MYCBP2: variants seen among roughly 807,000 people sequenced by gnomAD.
The protein encoded by MYCBP2 is MYC binding protein 2.
In MYCBP2, 120 loss-of-function variants were observed where a neutral mutation model predicts 525.3. The ratio of observed to expected loss-of-function variants is 0.23; its 90% CI spans 0.20 to 0.27. MYCBP2 has a LOEUF of 0.27. Among genes scored for constraint, MYCBP2 ranks in the 10% least tolerant of loss-of-function variants. The probability of loss-of-function intolerance (pLI) is 1.00; values close to 1 mark genes in which losing one functional copy is unlikely to be tolerated. For missense variants in MYCBP2, 4,149 were observed against 5,657.1 expected (o/e 0.73, Z 8.55); for synonymous variants, 1,894 against 1,955.8 (o/e 0.97, Z 0.83).
At chr13:77,281,712 T>C (rs1158268348) in intron 3 of MYCBP2, among the ~76,000 whole-genome samples, 1 of 152,176 alleles carries the variant, frequency 6.6e-6, no homozygotes, top group Admixed American at 6.5e-5. Flanking sequence ...AAATGATATA[T>C]AAAGAGTCTT....
At chr13:77,105,657 A>T (rs2047739327) in intron 55 of MYCBP2, among the ~76,000 whole-genome samples, 1 of 152,134 alleles carries the variant, frequency 6.6e-6, no homozygotes. Flanking sequence ...CAATTGACAG[A>T]AATAATAATG....
chr13:77,324,855 A>T (rs543817394), intron 1 of MYCBP2, among the ~76,000 whole-genome samples: 1 of 152,242 alleles, frequency 6.6e-6, no homozygotes, highest in Non-Finnish European at 1.5e-5. Flanking sequence ...CACAAAATAA[A>T]TTTAAATTCT....
Position 77,098,573 on chromosome 13 carries a change from T to C in MYCBP2, c.8581A>G (p.Lys2861Glu). The C allele has an allele frequency of 6.2e-7, 1 of 1,613,740 alleles. No homozygotes were observed. The highest frequency in any genetic ancestry group is 8.5e-7 in the Non-Finnish European group (1 of 1,179,800). Residue 2861 changes from lysine to glutamate, a missense_variant, in exon 56 of 83, where the codon AAG becomes GAG. Physicochemically the swap from Lys to Glu is moderately conservative, Grantham distance 56. Transcript: ENST00000544440. Reference protein sequence around the residue: ...PQKSTAPVKTKLDPPRERSKS... With the variant: ...PQKSTAPVKTELDPPRERSKS... ...GAACGTTCCCGAGGAGGATCAAGCT[T>C]TGTCTTAACAGGAGCAGTACTTTTT...
At chr13:77,291,019 C>T (rs1281183249) in intron 2 of MYCBP2, among the ~76,000 whole-genome samples, 2 of 152,084 alleles carry the variant, frequency 1.3e-5, no homozygotes, top group African/African-American at 4.8e-5. Context: ...AATTTAAAGA[C>T]TTAAATAAAT....
intron 53 of MYCBP2, 34 bp from the exon 54 acceptor site, chr13:77,125,502 T>A: frequency 6.2e-7 from 1 of 1,611,122 alleles, no homozygotes; most frequent in Non-Finnish European, 8.5e-7. Flanking sequence ...TTGATTGGCT[T>A]GATTCTTTCA....
intron 62 of MYCBP2, 70 bp downstream of exon 62, chr13:77,087,414 T>C: frequency 3.2e-6 from 4 of 1,266,618 alleles, no homozygotes; most frequent in South Asian, 1.3e-5. Context: ...ATGCAAATTA[T>C]TGGACTATTT....
intron 1 of MYCBP2, among the ~76,000 whole-genome samples, chr13:77,301,422 CAAAAAAAAAAAAA>C (rs11338423): frequency 4.7e-3 from 191 of 40,524 alleles, no homozygotes; most frequent in African/African-American, 0.016. Flanking sequence ...GACTCCATCT[CAAAAAAAAAAAAA>C]AAAAAAAAAA....
chr13:77,056,933 A>T, intron 79 of MYCBP2, 53 bp downstream of exon 79: 1 of 1,377,142 alleles, frequency 7.3e-7, no homozygotes, highest in Non-Finnish European at 1.0e-6. Context: ...TTGAAAGGTG[A>T]AAAGAAAGAA....
intron 68 of MYCBP2, among the ~76,000 whole-genome samples, 194 bp downstream of exon 68, chr13:77,076,556 TA>T (rs1404545539): frequency 2.0e-5 from 3 of 152,180 alleles, no homozygotes; most frequent in African/African-American, 7.2e-5. Context: ...AATTTGCTGT[TA>T]CTTAAAATAC....
At chr13:77,231,101 T>C (rs1237860151) in intron 18 of MYCBP2, among the ~76,000 whole-genome samples, 2 of 152,240 alleles carry the variant, frequency 1.3e-5, no homozygotes, top group African/African-American at 4.8e-5. Flanking sequence ...ATTTGCATTG[T>C]AAATGTATTT....
chr13:77,300,541 G>A (rs1334664152), intron 1 of MYCBP2, among the ~76,000 whole-genome samples: 1 of 152,102 alleles, frequency 6.6e-6, no homozygotes, highest in Non-Finnish European at 1.5e-5. Context: ...GGCCTCATTG[G>A]TCTGTGGGTC....
At chr13:77,132,214 A>G (rs1285259550) in intron 52 of MYCBP2, among the ~76,000 whole-genome samples, 3 of 152,168 alleles carry the variant, frequency 2.0e-5, no homozygotes, top group Non-Finnish European at 4.4e-5. Context: ...CGGGTTATGT[A>G]TACACATACA....
Position 77,157,984 on chromosome 13 carries a change from A to G in MYCBP2, c.6723T>C (p.Asp2241=). 5 of 1,613,670 alleles carry G rather than the reference A, an allele frequency of 3.1e-6. No individual in the cohort carries two copies. The highest frequency in any genetic ancestry group is 4.2e-6 in the Non-Finnish European group (5 of 1,179,846). ...ATCCTGGGACACAGGCAATAAAATC[A>G]TCCAGAAAAGACTGTTCATTGCTTT... is the stretch of plus-strand genomic sequence containing the variant. ...QIQSNEQSFL[D]DFIACVPGSS... is the part of the protein sequence containing the mutation. Residue 2241 remains aspartate (D), a synonymous_variant, in exon 45 of 83, where the codon GAT becomes GAC. Transcript: ENST00000544440.
chr13:77,245,595 G>A (rs1594286480), intron 15 of MYCBP2, among the ~76,000 whole-genome samples: 1 of 150,590 alleles, frequency 6.6e-6, no homozygotes, highest in African/African-American at 2.4e-5. Context: ...ATCACATACT[G>A]GGGCCTGTTG....
chr13:77,130,833 T>G (rs748047602), intron 52 of MYCBP2, among the ~76,000 whole-genome samples: 9 of 152,142 alleles, frequency 5.9e-5, no homozygotes, highest in Non-Finnish European at 1.5e-5. Flanking sequence ...AGTATTAAAG[T>G]AACATGAAAG....
At chr13:77,162,312 C>T (rs1395900209) in intron 43 of MYCBP2, among the ~76,000 whole-genome samples, 1 of 152,102 alleles carries the variant, frequency 6.6e-6, no homozygotes, top group Non-Finnish European at 1.5e-5. Context: ...ATTTTGGTTG[C>T]CTTACAGAAG....
In MYCBP2 at chr13:77,156,069, G is replaced by A. The variant is rs1178957235; in HGVS notation, c.6904C>T (p.Pro2302Ser). Residue 2302 changes from proline to serine, a missense_variant, in exon 46 of 83, where the codon CCC (proline) becomes TCC (serine). Physicochemically the swap from Pro to Ser is moderately conservative, Grantham distance 74. Transcript: ENST00000544440. Reference protein sequence around the residue: ...KDQYGDVVHVPNMKVEVKAVP... With the variant: ...KDQYGDVVHVSNMKVEVKAVP... The stretch of plus-strand genomic sequence containing the variant: ...CCAGTTATAATTACCTTCATATTGG[G>A]AACATGTACCACATCCCCATACTGG... The A allele has an allele frequency of 7.4e-6, 12 of 1,612,186 alleles. No homozygotes were observed. Among genetic ancestry groups the A allele is most frequent in the Non-Finnish European group, 1.0e-5 (12 of 1,179,034 alleles).
intron 18 of MYCBP2, among the ~76,000 whole-genome samples, chr13:77,231,825 T>C (rs1041613178): frequency 1.3e-5 from 2 of 152,226 alleles, no homozygotes; most frequent in Non-Finnish European, 2.9e-5. Context: ...GTAGAAATCA[T>C]AAAAGATCAG....
At position 77,321,035 on chromosome 13, in the gene MYCBP2, G is replaced by A. The variant is rs566038402; in HGVS notation, c.302+5439C>T. On this transcript the variant is annotated intron_variant, in intron 1 of 82. Coordinates refer to ENST00000544440, the MANE Select transcript of MYCBP2 (RefSeq NM_015057.5). The stretch of plus-strand genomic sequence containing the variant: ...CAGTCTATACTTGACTGTGGTGATA[G>A]TTTCAGGACTCTTCAAATGAACATT... Among the ~76,000 whole-genome samples the A allele has an allele frequency of 2.6e-5, 4 of 152,250 alleles. No individual in the cohort carries two copies. In the South Asian group the frequency reaches 8.3e-4, roughly 32 times the overall value.
Sources: gnomAD v4.1 joint callset for allele counts (sites outside exome capture counted in the v4.1 genomes callset) on GRCh38, gnomAD v4.1.1 for gene constraint, MANE v1.5 for transcripts, NCBI Gene and HGNC (gene_info 2026-07-23, HGNC 2026-07-21) for gene names.